The following PAM variants were observed in gnomAD, a reference collection of about 807,000 sequenced individuals.
PAM encodes the protein peptidylglycine alpha-amidating monooxygenase.
PAM carries 72 observed loss-of-function variants against 122.1 expected under a neutral mutation model. The ratio of observed to expected loss-of-function variants is 0.59; its 90% CI spans 0.49 to 0.72. The LOEUF (loss-of-function observed/expected upper bound fraction) is 0.72. Ranked by LOEUF, PAM falls within the 30% of genes least tolerant of loss-of-function variation. The pLI, the probability that PAM is intolerant of heterozygous loss-of-function variation, is 0.00. For synonymous variants in PAM, 389 were observed against 404.4 expected (o/e 0.96, Z 0.46); for missense variants, 1,106 against 1,183.7 (o/e 0.93, Z 0.96).
intron 1 of PAM, among the ~76,000 whole-genome samples, chr5:102,830,488 G>T (rs1209351309): frequency 6.6e-6 from 1 of 152,144 alleles, no homozygotes; most frequent in Non-Finnish European, 1.5e-5. Flanking sequence ...TATAGAACTT[G>T]TAACTGCTTG....
intron 16 of PAM, among the ~76,000 whole-genome samples, chr5:102,997,090 T>G (rs974512805): frequency 4.6e-5 from 7 of 152,134 alleles, no homozygotes; most frequent in African/African-American, 1.7e-4. Flanking sequence ...TAGCTAGTCT[T>G]AAGCAAACAT....
chr5:102,990,187 C>A (rs1773605540), intron 15 of PAM, 85 bp from the exon 16 acceptor site: 2 of 996,758 alleles, frequency 2.0e-6, no homozygotes, highest in East Asian at 2.6e-5. Flanking sequence ...GATGTTATTG[C>A]ATGAGCTTCT....
chr5:102,796,859 A>C (rs1763500158), intron 1 of PAM, among the ~76,000 whole-genome samples: 1 of 152,208 alleles, frequency 6.6e-6, no homozygotes, highest in South Asian at 2.1e-4. Context: ...CGTTACATGG[A>C]TTGAATGCAT....
chr5:102,971,380 C>T (rs568013717), intron 14 of PAM, among the ~76,000 whole-genome samples: 2 of 152,234 alleles, frequency 1.3e-5, no homozygotes, highest in Admixed American at 6.5e-5. Context: ...GTAGAATTTA[C>T]TTAAAGGCAC....
At chr5:102,989,285 C>A (rs1401441933) in intron 15 of PAM, among the ~76,000 whole-genome samples, 17 of 152,158 alleles carry the variant, frequency 1.1e-4, no homozygotes, top group African/African-American at 4.1e-4. Flanking sequence ...AGGAGGATCA[C>A]TTGAGCCCAG....
chr5:102,990,400 A>G lies in PAM; in HGVS notation c.1612A>G (p.Asn538Asp). ...FHRGDHVWDG[N>D]SFDSKFVYQQ... ...CAGAGGTGACCATGTCTGGGATGGA[A>G]AGTAAGTAATATTTTTTCTTCAATA... Residue 538 changes from asparagine to aspartate, a missense_variant and splice_region_variant, in exon 16 of 26, where the codon AAC becomes GAC. Physicochemically the swap from Asn to Asp is conservative, Grantham distance 23. Around this residue, in one of 3 missense-constraint regions of PAM, gnomAD observed 670 missense variants for 690.3 expected, o/e 0.97. Coordinates refer to ENST00000438793, the MANE Select transcript of PAM (RefSeq NM_001177306.2). The G allele has an allele frequency of 6.3e-7, 1 of 1,579,116 alleles. No individual in the cohort carries two copies.
At chr5:102,841,893 A>C (rs1264562239) in intron 1 of PAM, among the ~76,000 whole-genome samples, 1 of 152,208 alleles carries the variant, frequency 6.6e-6, no homozygotes. Context: ...TAGATCAATG[A>C]AAATGCATAA....
At chr5:102,862,902 G>A (rs1328317220) in intron 1 of PAM, among the ~76,000 whole-genome samples, 2 of 151,708 alleles carry the variant, frequency 1.3e-5, no homozygotes, top group Non-Finnish European at 2.9e-5. Flanking sequence ...TGCTGTACAG[G>A]GTCTCTTATA....
intron 1 of PAM, among the ~76,000 whole-genome samples, chr5:102,777,806 T>C (rs1251516249): frequency 6.6e-6 from 1 of 152,166 alleles, no homozygotes; most frequent in African/African-American, 2.4e-5. Flanking sequence ...TAATTTTCCC[T>C]ACAAAGCAGA....
At chr5:102,803,626 G>T (rs1266733731) in intron 1 of PAM, among the ~76,000 whole-genome samples, 1 of 151,818 alleles carries the variant, frequency 6.6e-6, no homozygotes, top group Admixed American at 6.6e-5. Context: ...GTTTTGTTTT[G>T]TTTTTCATTT....
chr5:102,933,950 C>T (rs771070354), intron 7 of PAM, among the ~76,000 whole-genome samples: 4 of 152,138 alleles, frequency 2.6e-5, no homozygotes, highest in Non-Finnish European at 4.4e-5. Context: ...CAGATTGCTC[C>T]CTGTTGCTTT....
intron 22 of PAM, among the ~76,000 whole-genome samples, chr5:103,017,771 A>G (rs943628626): frequency 6.6e-6 from 1 of 152,180 alleles, no homozygotes; most frequent in Non-Finnish European, 1.5e-5. Context: ...CTCATTCCCC[A>G]TATGGCCCTT....
rs1782273980 is a variant in PAM, at chr5:103,017,232, G to C, written c.2332-102G>C. 8 of 776,402 alleles carry C rather than the reference G, an allele frequency of 1.0e-5. No homozygotes were observed. The South Asian group carries it at 1.3e-4, about 13-fold the overall frequency. The allele number at this position is 776,402 out of a possible 1,614,324, so 48.1% of individuals were successfully genotyped here. On this transcript the variant is annotated intron_variant, in intron 21 of 25. Transcript: ENST00000438793. ...TATTTTGCTTTGGTTTGAGTAATAT[G>C]TTTTGTTGTTTTGTTGTGGGCTTTG...
At chr5:102,910,975 G>T (rs1444389283) in intron 4 of PAM, among the ~76,000 whole-genome samples, 3 of 151,872 alleles carry the variant, frequency 2.0e-5, no homozygotes, top group Non-Finnish European at 4.4e-5. Context: ...GGCATAATCA[G>T]CAGGAATGGA....
rs202078440 is a variant in PAM at position 102,977,655 on chromosome 5, TGC to T, written c.1483+3222_1483+3223del. ...AGGCTTCCCAACACACACATGCATG[TGC>T]GCACACACACACACACACACACACA... On this transcript the variant is annotated intron_variant, in intron 15 of 25. Transcript: ENST00000438793. Among the ~76,000 whole-genome samples the T allele has an allele frequency of 2.2e-3, 264 of 118,824 alleles. 2 individuals carry two copies. The highest frequency in any genetic ancestry group is 4.2e-3 in the Middle Eastern group (1 of 238). 78.0% of individuals were successfully genotyped at this position (118,824 alleles called of 152,430 possible).
chr5:102,978,406 G>C (rs1029908420), intron 15 of PAM, among the ~76,000 whole-genome samples: 2 of 152,130 alleles, frequency 1.3e-5, no homozygotes, highest in South Asian at 4.1e-4. Flanking sequence ...AGTTTAGATA[G>C]AGATAGCATT....
At chr5:102,812,554 A>T (rs897318970) in intron 1 of PAM, among the ~76,000 whole-genome samples, 10 of 152,122 alleles carry the variant, frequency 6.6e-5, no homozygotes, top group African/African-American at 2.4e-4. Flanking sequence ...GAGAAAAACT[A>T]AATAGTACCT....
At chr5:102,802,232 GT>G (rs1185459247) in intron 1 of PAM, among the ~76,000 whole-genome samples, 1 of 152,158 alleles carries the variant, frequency 6.6e-6, no homozygotes, top group East Asian at 1.9e-4. Flanking sequence ...GTTGAAGTAA[GT>G]TTTTGGTATT....
chr5:103,016,642 GAA>G (rs1388507838), intron 21 of PAM, among the ~76,000 whole-genome samples: 7 of 152,124 alleles, frequency 4.6e-5, no homozygotes, highest in African/African-American at 1.7e-4. Flanking sequence ...TTGAAATAGA[GAA>G]AGATATATTA....
Sources: allele counts gnomAD v4.1 joint callset (sites outside exome capture counted in the v4.1 genomes callset), GRCh38; gene constraint gnomAD v4.1.1; regional missense constraint gnomAD v4.1.1; transcripts MANE v1.5; gene names NCBI Gene and HGNC (gene_info 2026-07-23, HGNC 2026-07-21).